Variants in RAB43 observed in about 807,000 individuals in gnomAD.
The protein encoded by RAB43 is RAB43, member RAS oncogene family.
A neutral mutation model predicts 18.8 loss-of-function variants in RAB43; 6 were observed. The ratio of observed to expected loss-of-function variants is 0.32; its 90% CI spans 0.17 to 0.63. The LOEUF (loss-of-function observed/expected upper bound fraction) is 0.63, where lower values mean the gene tolerates loss of function less well. Ranked by LOEUF, RAB43 falls within the 30% of genes least tolerant of loss-of-function variation. RAB43 has a pLI of 0.79. For synonymous variants in RAB43, 103 were observed against 124.1 expected (o/e 0.83, Z 1.13); for missense variants, 195 against 289.1 (o/e 0.67, Z 2.36).
chr3:129,117,722 C>G (rs555773273), intron 1 of RAB43, among the ~76,000 whole-genome samples: 14 of 152,330 alleles, frequency 9.2e-5, no homozygotes, highest in Admixed American at 7.2e-4. Context: ...CTTTCAGAAT[C>G]TCACGGTCAT....
intron 1 of RAB43, among the ~76,000 whole-genome samples, chr3:129,106,726 A>G (rs1934810589): frequency 6.6e-6 from 1 of 152,156 alleles, no homozygotes; most frequent in African/African-American, 2.4e-5. Flanking sequence ...CTCCTCTGCA[A>G]TAGGGGAGTA....
rs1450783520 is a variant in RAB43, at chr3:129,091,071, C to T, written c.*25G>A. 3.7e-6 allele frequency: 6 copies of T among 1,605,296 alleles called. No individual in the cohort carries two copies. Among genetic ancestry groups the T allele is most frequent in the Non-Finnish European group, 5.1e-6 (6 of 1,176,284 alleles). On this transcript the variant is annotated 3_prime_UTR_variant, in exon 3 of 3. Coordinates refer to ENST00000315150, the MANE Select transcript of RAB43 (RefSeq NM_198490.3). ...GGGGAGAGCAAGGAGGTGGGGAACC[C>T]CCAGTCTGCCGGCCCGGCCCCTGGT...
intron 1 of RAB43, among the ~76,000 whole-genome samples, chr3:129,111,742 C>A (rs1191114060): frequency 6.6e-6 from 1 of 152,046 alleles, no homozygotes; most frequent in Non-Finnish European, 1.5e-5. Flanking sequence ...GATTTTTCTA[C>A]ATATTTCATA....
At chr3:129,121,197 C>A in intron 1 of RAB43, 89 bp downstream of exon 1, 3 of 1,183,892 alleles carry the variant, frequency 2.5e-6, no homozygotes, top group Non-Finnish European at 3.6e-6. Flanking sequence ...CAGATGGACG[C>A]GGGGTGCGCT....
At chr3:129,110,755 T>C (rs546306696) in intron 1 of RAB43, among the ~76,000 whole-genome samples, 1 of 152,004 alleles carries the variant, frequency 6.6e-6, no homozygotes, top group Non-Finnish European at 1.5e-5. Flanking sequence ...GTGATGAAAA[T>C]ATCCTAAAAT....
At chr3:129,112,871 C>T (rs1935257072) in intron 1 of RAB43, among the ~76,000 whole-genome samples, 1 of 151,896 alleles carries the variant, frequency 6.6e-6, no homozygotes, top group Non-Finnish European at 1.5e-5. Context: ...CCGCCTCAGC[C>T]TCCTCAGTAG....
chr3:129,096,088 G>A (rs1934032946), intron 1 of RAB43, among the ~76,000 whole-genome samples: 1 of 152,232 alleles, frequency 6.6e-6, no homozygotes, highest in South Asian at 2.1e-4. Flanking sequence ...CCCAGCTTGT[G>A]GCGTGTGCCA....
intron 1 of RAB43, among the ~76,000 whole-genome samples, chr3:129,118,613 G>A (rs1159993234): frequency 1.3e-5 from 2 of 152,146 alleles, no homozygotes; most frequent in Non-Finnish European, 2.9e-5. Context: ...AGAATCACAG[G>A]GAAAGCTTTA....
At chr3:129,099,600 G>C (rs1489266088) in intron 1 of RAB43, among the ~76,000 whole-genome samples, 1 of 149,338 alleles carries the variant, frequency 6.7e-6, no homozygotes, top group East Asian at 2.0e-4. Context: ...TGGTCAGTCT[G>C]GTCTCGAACT....
intron 1 of RAB43, among the ~76,000 whole-genome samples, chr3:129,114,589 A>C (rs1311946170): frequency 6.6e-6 from 1 of 152,192 alleles, no homozygotes; most frequent in Non-Finnish European, 1.5e-5. Context: ...AATTCCTCAT[A>C]CCCAAAGCAC....
chr3:129,111,508 T>A (rs1935170626), intron 1 of RAB43, among the ~76,000 whole-genome samples: 2 of 35,950 alleles, frequency 5.6e-5, no homozygotes, highest in African/African-American at 9.2e-5. Context: ...AGACTCTGTC[T>A]CAAAAAAAAA....
chr3:129,101,548 G>T (rs956868947), intron 1 of RAB43, among the ~76,000 whole-genome samples: 1 of 152,202 alleles, frequency 6.6e-6, no homozygotes, highest in Non-Finnish European at 1.5e-5. Flanking sequence ...CCTATTTGAT[G>T]ATCTGAGCAA....
chr3:129,120,410 G>A (rs983025400), intron 1 of RAB43, among the ~76,000 whole-genome samples: 9 of 152,148 alleles, frequency 5.9e-5, no homozygotes, highest in African/African-American at 2.4e-5. Flanking sequence ...ATGGGGGCTC[G>A]AAACCATGAA....
intron 1 of RAB43, among the ~76,000 whole-genome samples, chr3:129,114,325 GTGTGT>G (rs1935354598): frequency 6.6e-6 from 1 of 152,184 alleles, no homozygotes; most frequent in Admixed American, 6.5e-5. Context: ...GTGGGTTTGT[GTGTGT>G]TTGCGGTAGT....
At position 129,097,990 on chromosome 3, in the gene RAB43, C is replaced by G. The variant is rs146669977; in HGVS notation, c.205-2821G>C. On this transcript the variant is annotated intron_variant, in intron 1 of 2. Coordinates refer to ENST00000315150, the MANE Select transcript of RAB43 (RefSeq NM_198490.3). Reference sequence around the variant, plus strand: ...AGGAGGCAGAGATCAGGGTCTGGAGCAGATGATGTGATGAAATGAGAAGAC... The same window carrying G: ...AGGAGGCAGAGATCAGGGTCTGGAGGAGATGATGTGATGAAATGAGAAGAC... Among the ~76,000 whole-genome samples the G allele has an allele frequency of 4.5e-3, 692 of 152,126 alleles. 3 individuals carry two copies. Among genetic ancestry groups the G allele is most frequent in the Non-Finnish European group, 4.8e-3 (328 of 68,002 alleles).
chr3:129,118,938 C>G (rs1043671420), intron 1 of RAB43, among the ~76,000 whole-genome samples: 5 of 152,148 alleles, frequency 3.3e-5, no homozygotes, highest in African/African-American at 9.7e-5. Context: ...GCTGAAACTA[C>G]AGAGACAAAA....
At chr3:129,098,121 G>C (rs1008358827) in intron 1 of RAB43, among the ~76,000 whole-genome samples, 1 of 152,180 alleles carries the variant, frequency 6.6e-6, no homozygotes, top group African/African-American at 2.4e-5. Context: ...AGGTTCAGGA[G>C]TGCTAGGGGA....
chr3:129,111,509 CAAAAAAAAAAAAA>C (rs59684183), intron 1 of RAB43, among the ~76,000 whole-genome samples: 1 of 68,620 alleles, frequency 1.5e-5, no homozygotes, highest in South Asian at 5.3e-4. Context: ...GACTCTGTCT[CAAAAAAAAAAAAA>C]AAAAAAAAAG....
intron 1 of RAB43, among the ~76,000 whole-genome samples, chr3:129,113,319 C>G (rs777082759): frequency 2.6e-5 from 4 of 152,052 alleles, no homozygotes; most frequent in Non-Finnish European, 5.9e-5. Flanking sequence ...GCATGCGCCA[C>G]CATGCCCATC....
Sources: allele counts gnomAD v4.1 joint callset (sites outside exome capture counted in the v4.1 genomes callset), GRCh38; gene constraint gnomAD v4.1.1; transcripts MANE v1.5; gene names NCBI Gene and HGNC (gene_info 2026-07-23, HGNC 2026-07-21).